Variants in SKP1 observed in about 807,000 individuals in gnomAD.
The protein encoded by SKP1 is S-phase kinase-associated protein 1.
A neutral mutation model predicts 21.5 loss-of-function variants in SKP1; 1 was observed. The observed-to-expected ratio is 0.05, with a 90% CI of 0.02 to 0.22. The LOEUF is 0.22. Among genes scored for constraint, SKP1 ranks in the 10% least tolerant of loss-of-function variants. The pLI is 1.00. For missense variants in SKP1, 70 were observed against 192.0 expected, an observed-to-expected ratio of 0.36 and a Z score of 3.76; for synonymous variants, 59 against 59.3, an observed-to-expected ratio of 0.99 and a Z score of 0.03.
At chr5:134,174,558 A>G (rs1321491226) in intron 1 of SKP1, 1 of 743,216 alleles carries the variant, frequency 1.3e-6, no homozygotes. Flanking sequence ...AAATGATTTA[A>G]AGATAAGCAG....
In SKP1 at chr5:134,158,603, G is replaced by T. The variant is rs752039460; in HGVS notation, c.316-8C>A. On this transcript the variant is annotated splice_region_variant and splice_polypyrimidine_tract_variant and intron_variant, in intron 4 of 5. Transcript: ENST00000353411. Reference sequence around the variant, plus strand: ...GTCTAAGTAGTTTGCAGCCTGTAAAGAGACAGTTGTTTTCCTTAAAGTATA... The same window carrying T: ...GTCTAAGTAGTTTGCAGCCTGTAAATAGACAGTTGTTTTCCTTAAAGTATA... The T allele has an allele frequency of 3.5e-5, 56 of 1,611,770 alleles. No individual in the cohort carries two copies. The Admixed American group carries it at 3.7e-4, about 11-fold the overall frequency.
rs1761096064 is a variant in SKP1 at position 134,154,654 on chromosome 5, A to G, written c.*3079T>C. The G allele has an allele frequency of 6.6e-6, 1 of 152,242 alleles. No homozygotes were observed. The highest frequency in any genetic ancestry group is 1.9e-4 in the East Asian group (1 of 5,174). 9.4% of individuals were successfully genotyped at this position (152,242 alleles called of 1,614,324 possible). ...AGGACTTCATCATTAAAAGCAGCAC[A>G]CTGCAGAAAGCAGCATGTTGTTTAC... On this transcript the variant is annotated 3_prime_UTR_variant, in exon 6 of 6. Coordinates refer to ENST00000353411, the MANE Select transcript of SKP1 (RefSeq NM_170679.3).
At chr5:134,164,039 G>A (rs1477947247) in intron 3 of SKP1, among the ~76,000 whole-genome samples, 4 of 151,848 alleles carry the variant, frequency 2.6e-5, no homozygotes, top group East Asian at 1.9e-4. Context: ...GATTATCTTC[G>A]GCCAGGGATG....
Position 134,153,734 on chromosome 5 carries a change from T to C in SKP1, c.*3999A>G, listed in dbSNP as rs760537899. 3 of 152,220 alleles carry C rather than the reference T, an allele frequency of 2.0e-5. No homozygotes were observed. The highest frequency in any genetic ancestry group is 4.4e-5 in the Non-Finnish European group (3 of 68,040). The allele number at this position is 152,220 out of a possible 1,614,324, so 9.4% of individuals were successfully genotyped here. On this transcript the variant is annotated 3_prime_UTR_variant, in exon 6 of 6. Coordinates refer to ENST00000353411, the MANE Select transcript of SKP1 (RefSeq NM_170679.3). ...CAAATTAACTTAAACAAAATTTATG[T>C]TGGGATCAGAACACAGCCCATAGGA...
At chr5:134,168,129 CA>C (rs1761368975) in intron 2 of SKP1, among the ~76,000 whole-genome samples, 1 of 152,178 alleles carries the variant, frequency 6.6e-6, no homozygotes, top group Admixed American at 6.5e-5. Context: ...AGGAATATTA[CA>C]TAAAATAAGT....
intron 3 of SKP1, among the ~76,000 whole-genome samples, chr5:134,166,267 A>G (rs919895741): frequency 7.9e-5 from 12 of 151,656 alleles, no homozygotes; most frequent in African/African-American, 1.2e-4. Flanking sequence ...AAACATAGAA[A>G]TGTATAGTTT....
Position 134,151,802 on chromosome 5 carries a change from A to T in SKP1, c.*5931T>A. ...GTAGCCAGCAGTACACAAGACTGCA[A>T]GGCAACAAGTACATTATCAATGAAT... is the stretch of plus-strand genomic sequence containing the variant. On this transcript the variant is annotated 3_prime_UTR_variant, in exon 6 of 6. Coordinates refer to ENST00000353411, the MANE Select transcript of SKP1 (RefSeq NM_170679.3). The T allele has an allele frequency of 2.5e-6, 1 of 393,408 alleles. No individual in the cohort carries two copies. The highest frequency in any genetic ancestry group is 1.8e-5 in the South Asian group (1 of 56,642). 24.4% of individuals were successfully genotyped at this position (393,408 alleles called of 1,614,324 possible). A position where few individuals can be genotyped will look rare whatever the true frequency, so the allele number is the denominator to read the frequency against.
Position 134,157,512 on chromosome 5 carries a change from GC to G in SKP1, c.*220del. 1 of 519,822 alleles carries G rather than the reference GC, an allele frequency of 1.9e-6. No homozygotes were observed. Among genetic ancestry groups the G allele is most frequent in the South Asian group, 2.5e-5 (1 of 40,642 alleles). 32.2% of individuals were successfully genotyped at this position (519,822 alleles called of 1,614,324 possible). ...AACCCACAGTTCAGTTTTATTCAGAGCAAAGAAAAAAGAAACTTTCCATCAT... is the reference window on the plus strand; with the variant it reads ...AACCCACAGTTCAGTTTTATTCAGAGAAAGAAAAAAGAAACTTTCCATCAT... On this transcript the variant is annotated 3_prime_UTR_variant, in exon 6 of 6. Coordinates refer to ENST00000353411, the MANE Select transcript of SKP1 (RefSeq NM_170679.3).
chr5:134,158,364 C>T, intron 5 of SKP1, 91 bp downstream of exon 5: 10 of 1,608,910 alleles, frequency 6.2e-6, no homozygotes, highest in Non-Finnish European at 6.8e-6. Flanking sequence ...ATCAAGACTA[C>T]TTGATACAGT....
At chr5:134,165,040 A>AG (rs1246050691) in intron 3 of SKP1, among the ~76,000 whole-genome samples, 4 of 111,470 alleles carry the variant, frequency 3.6e-5, no homozygotes, top group African/African-American at 8.7e-5. Context: ...TTTTTTTTTG[A>AG]GGGGGGAGGG....
intron 2 of SKP1, among the ~76,000 whole-genome samples, chr5:134,167,540 TGAGACAGATTC>T (rs1272456450): frequency 6.6e-6 from 1 of 152,012 alleles, no homozygotes; most frequent in African/African-American, 2.4e-5. Context: ...TTTTTTTTTT[TGAGACAGATTC>T]TTGCTCTGTC....
rs1028372296 is a variant in SKP1 at position 134,157,543 on chromosome 5, G to A, written c.*190C>T. The A allele has an allele frequency of 3.4e-6, 2 of 580,138 alleles. No individual in the cohort carries two copies. Among genetic ancestry groups the A allele is most frequent in the African/African-American group, 3.8e-5 (2 of 53,272 alleles). The allele number at this position is 580,138 out of a possible 1,614,324, so 35.9% of individuals were successfully genotyped here. A position where few individuals can be genotyped will look rare whatever the true frequency, so the allele number is the denominator to read the frequency against. The stretch of plus-strand genomic sequence containing the variant: ...AAAAAAGAAACTTTCCATCATACTA[G>A]AAGAAACTTGGCCGTAAGGTTTGGG... On this transcript the variant is annotated 3_prime_UTR_variant, in exon 6 of 6. Coordinates refer to ENST00000353411, the MANE Select transcript of SKP1 (RefSeq NM_170679.3).
intron 2 of SKP1, among the ~76,000 whole-genome samples, chr5:134,170,340 C>T (rs966388110): frequency 6.6e-5 from 10 of 152,044 alleles, no homozygotes; most frequent in African/African-American, 2.4e-4. Context: ...TAAGGATGTA[C>T]GATATTTTTT....
At chr5:134,165,558 C>G (rs1217695553) in intron 3 of SKP1, among the ~76,000 whole-genome samples, 2 of 144,364 alleles carry the variant, frequency 1.4e-5, no homozygotes, top group Non-Finnish European at 3.0e-5. Context: ...CCACTGCACT[C>G]CAGCCTGGGC....
At chr5:134,173,809 T>G (rs1353582380) in intron 2 of SKP1, 117 bp downstream of exon 2, 2 of 730,158 alleles carry the variant, frequency 2.7e-6, no homozygotes, top group African/African-American at 3.5e-5. Context: ...AAATGTAAAC[T>G]TTACCTCTTC....
Position 134,155,554 on chromosome 5 carries a change from A to T in SKP1, c.*2179T>A, listed in dbSNP as rs189733827. Reference sequence around the variant, plus strand: ...ACAGAAAGTCAGGAAACAAAAATTTAAATTACTACTATATTGTCTGTCCAT... The same window carrying T: ...ACAGAAAGTCAGGAAACAAAAATTTTAATTACTACTATATTGTCTGTCCAT... On this transcript the variant is annotated 3_prime_UTR_variant, in exon 6 of 6. Coordinates refer to ENST00000353411, the MANE Select transcript of SKP1 (RefSeq NM_170679.3). The T allele has an allele frequency of 1.1e-3, 173 of 152,328 alleles. No individual in the cohort carries two copies. The highest frequency in any genetic ancestry group is 3.4e-3 in the Middle Eastern group (1 of 294). The allele number at this position is 152,328 out of a possible 1,614,324, so 9.4% of individuals were successfully genotyped here.
intron 2 of SKP1, chr5:134,173,674 T>G: frequency 3.6e-6 from 2 of 562,896 alleles, no homozygotes; most frequent in South Asian, 3.1e-5. Flanking sequence ...GCCTAAGGCT[T>G]GGCAATCACT....
In SKP1 at chr5:134,158,068, C is replaced by A. The variant is rs939087266; in HGVS notation, c.457-300G>T. ...CAGTCTGTAGTCATGTCAACAAAAT[C>A]ATTCTGATCTATTCTTTCATTTCCT... On this transcript the variant is annotated intron_variant, in intron 5 of 5. Coordinates refer to ENST00000353411, the MANE Select transcript of SKP1 (RefSeq NM_170679.3). The A allele has an allele frequency of 2.1e-6, 3 of 1,447,512 alleles. No homozygotes were observed. In the African/African-American group the frequency reaches 4.2e-5, roughly 20 times the overall value. The allele number at this position is 1,447,512 out of a possible 1,614,324, so 89.7% of individuals were successfully genotyped here. A position where few individuals can be genotyped will look rare whatever the true frequency, so the allele number is the denominator to read the frequency against.
Position 134,157,406 on chromosome 5 carries a change from T to C in SKP1, c.*327A>G, listed in dbSNP as rs913817223. 6 of 208,378 alleles carry C rather than the reference T, an allele frequency of 2.9e-5. No homozygotes were observed. Among genetic ancestry groups the C allele is most frequent in the Non-Finnish European group, 4.8e-5 (5 of 104,360 alleles). The allele number at this position is 208,378 out of a possible 1,614,324, so 12.9% of individuals were successfully genotyped here. ...ATTTACAATGCCAACTTTTAAAAGGTCACTAAAGTTAACTGGACAATAAAC... is the reference window on the plus strand; with the variant it reads ...ATTTACAATGCCAACTTTTAAAAGGCCACTAAAGTTAACTGGACAATAAAC... On this transcript the variant is annotated 3_prime_UTR_variant, in exon 6 of 6. Transcript: ENST00000353411.
Sources: gnomAD v4.1 joint callset for allele counts (sites outside exome capture counted in the v4.1 genomes callset) on GRCh38, gnomAD v4.1.1 for gene constraint, MANE v1.5 for transcripts, NCBI Gene and HGNC (gene_info 2026-07-23, HGNC 2026-07-21) for gene names.